The following NREP variants were observed in gnomAD, a reference collection of about 807,000 sequenced individuals.
NREP encodes the protein neuronal regeneration-related protein.
In NREP, 5 loss-of-function variants were observed where a neutral mutation model predicts 8.6. The ratio of observed to expected loss-of-function variants is 0.58; its 90% CI spans 0.30 to 1.22. NREP has a LOEUF of 1.22. Ranked by LOEUF, NREP falls within the 50% of genes most tolerant of loss-of-function variation. The pLI is 0.07. For missense variants in NREP, 86 were observed against 82.5 expected, an observed-to-expected ratio of 1.04 and a Z score of -0.17; for synonymous variants, 27 against 28.0, an observed-to-expected ratio of 0.96 and a Z score of 0.11.
chr5:111,752,111 T>C (rs568602110), intron 2 of NREP, among the ~76,000 whole-genome samples: 2 of 152,330 alleles, frequency 1.3e-5, no homozygotes, highest in African/African-American at 4.8e-5. Flanking sequence ...TTAGAAGTAG[T>C]CATCTCAGGA....
intron 2 of NREP, among the ~76,000 whole-genome samples, chr5:111,854,838 C>T (rs1753390780): frequency 6.6e-6 from 1 of 152,154 alleles, no homozygotes; most frequent in Non-Finnish European, 1.5e-5. Context: ...TGCATGTATT[C>T]TTCCAGATCT....
At chr5:111,784,512 G>A (rs2112886723) in intron 2 of NREP, among the ~76,000 whole-genome samples, 2 of 152,312 alleles carry the variant, frequency 1.3e-5, no homozygotes, top group South Asian at 4.1e-4. Flanking sequence ...TTGTTATAAT[G>A]CACGTTTCTC....
chr5:111,938,663 T>C (rs1755749709), intron 2 of NREP, among the ~76,000 whole-genome samples: 1 of 151,998 alleles, frequency 6.6e-6, no homozygotes, highest in African/African-American at 2.4e-5. Context: ...GGGGATAATA[T>C]CATTTCCAAC....
chr5:111,805,602 A>G (rs903716509), intron 2 of NREP, among the ~76,000 whole-genome samples: 1 of 152,246 alleles, frequency 6.6e-6, no homozygotes, highest in Non-Finnish European at 1.5e-5. Context: ...ATGTACATAT[A>G]TATGTGTGTG....
At chr5:111,757,650 CCGCTCGCCG>C, upstream of NREP, 1 of 983,230 alleles carries the variant, frequency 1.0e-6, no homozygotes. Flanking sequence ...CCCGGGCGCC[CCGCTCGCCG>C]CGCCGTCCCC....
At chr5:111,898,431 T>A (rs1302559644) in intron 2 of NREP, among the ~76,000 whole-genome samples, 1 of 152,178 alleles carries the variant, frequency 6.6e-6, no homozygotes, top group Non-Finnish European at 1.5e-5. Context: ...AAGTAATTGT[T>A]ACCAACTGAG....
At chr5:111,753,256 G>A (rs1294960584) in intron 2 of NREP, among the ~76,000 whole-genome samples, 3 of 150,754 alleles carry the variant, frequency 2.0e-5, no homozygotes, top group Non-Finnish European at 3.0e-5. Flanking sequence ...ATAGCACTCC[G>A]TGCAGTGGCG....
At chr5:111,896,589 AT>A (rs1348383593) in intron 2 of NREP, among the ~76,000 whole-genome samples, 1 of 152,202 alleles carries the variant, frequency 6.6e-6, no homozygotes, top group African/African-American at 2.4e-5. Flanking sequence ...GCTACCAACC[AT>A]TTAAACCGGA....
intron 2 of NREP, among the ~76,000 whole-genome samples, chr5:111,959,598 A>G (rs1756427128): frequency 6.6e-6 from 1 of 152,052 alleles, no homozygotes; most frequent in Non-Finnish European, 1.5e-5. Context: ...AATCAAATTA[A>G]AACAATATAC....
chr5:111,837,534 T>C (rs1752924835), intron 2 of NREP, among the ~76,000 whole-genome samples: 1 of 152,110 alleles, frequency 6.6e-6, no homozygotes, highest in African/African-American at 2.4e-5. Flanking sequence ...AGTCACTTCC[T>C]TACTTTGAAA....
At chr5:111,808,358 T>C (rs937146190) in intron 2 of NREP, among the ~76,000 whole-genome samples, 2 of 152,162 alleles carry the variant, frequency 1.3e-5, no homozygotes, top group Non-Finnish European at 2.9e-5. Context: ...TGCTGAACAT[T>C]TGGTGTTTAA....
At chr5:111,762,094 G>A (rs1750972901), upstream of NREP, among the ~76,000 whole-genome samples, 1 of 152,080 alleles carries the variant, frequency 6.6e-6, no homozygotes, top group Non-Finnish European at 1.5e-5. Context: ...TTAAGATGGA[G>A]GGCATGGGAA....
chr5:111,942,766 A>G (rs1755864967), intron 2 of NREP, among the ~76,000 whole-genome samples: 1 of 152,076 alleles, frequency 6.6e-6, no homozygotes, highest in African/African-American at 2.4e-5. Flanking sequence ...CATAAAAGAG[A>G]TTAAGAACAT....
chr5:111,913,635 A>G (rs1161827848), intron 2 of NREP, among the ~76,000 whole-genome samples: 5 of 152,124 alleles, frequency 3.3e-5, no homozygotes, highest in African/African-American at 4.8e-5. Flanking sequence ...TAATCAGACA[A>G]TTGGGTAAGA....
rs567140280 is a variant in NREP at position 111,845,173 on chromosome 5, C to A, written c.136-109666G>T. 2.0e-5 allele frequency among the ~76,000 whole-genome samples: 3 copies of A among 152,238 alleles called. No homozygotes were observed. In the South Asian group the frequency reaches 6.2e-4, roughly 32 times the overall value. Reference sequence around the variant, plus strand: ...GAATTTACATGCTTACTTCACTCTCCTTCCCCTACTTGGAGGTTATCTGTC... The same window carrying A: ...GAATTTACATGCTTACTTCACTCTCATTCCCCTACTTGGAGGTTATCTGTC... On this transcript the variant is annotated intron_variant, in intron 2 of 3. Transcript: ENST00000395634.
intron 2 of NREP, among the ~76,000 whole-genome samples, chr5:111,803,812 G>T (rs1752071286): frequency 6.6e-6 from 1 of 152,026 alleles, no homozygotes; most frequent in Non-Finnish European, 1.5e-5. Context: ...AATTATGCAG[G>T]TACAAAAGAT....
rs535142878 is a variant in NREP at position 111,971,338 on chromosome 5, G to A, written c.135+3936C>T. 1.1e-4 allele frequency among the ~76,000 whole-genome samples: 16 copies of A among 152,094 alleles called. No homozygotes were observed. The South Asian group carries it at 3.3e-3, about 32-fold the overall frequency. ...ATCACATTTTTTTCACAGAAATAGA[G>A]AAAACAATTCTAAAATTTGTATGAA... On this transcript the variant is annotated intron_variant, in intron 2 of 3. Coordinates refer to the NREP transcript ENST00000395634.
At chr5:111,798,734 GGTGTGTGTGTGTGTGTGTGTGTGT>G (rs571252142) in intron 2 of NREP, among the ~76,000 whole-genome samples, 1 of 135,584 alleles carries the variant, frequency 7.4e-6, no homozygotes, top group Non-Finnish European at 1.6e-5. Context: ...AGTATTCCAT[GGTGTGTGTGTGTGTGTGTGTGTGT>G]GTGTGTGTGT....
chr5:111,749,803 A>G (rs2112837031), intron 2 of NREP, among the ~76,000 whole-genome samples: 1 of 152,296 alleles, frequency 6.6e-6, no homozygotes. Flanking sequence ...AAGTGCTGCC[A>G]GTTTCTCAAG....
Sources: allele counts gnomAD v4.1 joint callset (sites outside exome capture counted in the v4.1 genomes callset), GRCh38; gene constraint gnomAD v4.1.1; transcripts MANE v1.5; gene names NCBI Gene and HGNC (gene_info 2026-07-23, HGNC 2026-07-21).